The following CHSY1 variants were observed in gnomAD, a reference collection of about 807,000 sequenced individuals.
The protein encoded by CHSY1 is N-acetylgalactosaminyl-proteoglycan 3-beta-glucuronosyltransferase 1.
A neutral mutation model predicts 59.8 loss-of-function variants in CHSY1; 13 were observed. The ratio of observed to expected loss-of-function variants is 0.22; its 90% CI spans 0.14 to 0.35. CHSY1 has a LOEUF of 0.35. Ranked by LOEUF, CHSY1 falls within the 10% of genes least tolerant of loss-of-function variation. The pLI is 1.00. For synonymous variants in CHSY1, 459 were observed against 401.2 expected (o/e 1.14, Z -1.72); for missense variants, 947 against 1,030.6 (o/e 0.92, Z 1.11).
intron 2 of CHSY1, among the ~76,000 whole-genome samples, chr15:101,198,367 G>A (rs1292130855): frequency 3.3e-5 from 5 of 152,208 alleles, no homozygotes; most frequent in Non-Finnish European, 5.9e-5. Context: ...ACTGGACAGA[G>A]AAATTAACAT....
chr15:101,235,082 C>T lies in CHSY1; in HGVS notation c.816G>A (p.Glu272=). 1 of 1,613,530 alleles carries T rather than the reference C, an allele frequency of 6.2e-7. No homozygotes were observed. ...CCATGGTAAAGAATTCTGTTCTTAC[C>T]TCATAAGACCAGACACACTGCACCC... ...FAGVQCVWSY[E]MQQLFYENYE... Residue 272 remains glutamate (E), a splice_region_variant and synonymous_variant, in exon 2 of 3, where the codon GAG becomes GAA. Transcript: ENST00000254190.
chr15:101,201,794 T>C (rs1477138381), intron 2 of CHSY1, among the ~76,000 whole-genome samples: 2 of 152,186 alleles, frequency 1.3e-5, no homozygotes, highest in East Asian at 1.9e-4. Context: ...CCTAACCAGA[T>C]GGAAAGGAAG....
chr15:101,196,203 G>A (rs1287655006), intron 2 of CHSY1, among the ~76,000 whole-genome samples: 2 of 149,362 alleles, frequency 1.3e-5, no homozygotes, highest in East Asian at 2.0e-4. Flanking sequence ...GTACTCCAGC[G>A]TGGGTGACAG....
chr15:101,199,890 G>A (rs529690391), intron 2 of CHSY1, among the ~76,000 whole-genome samples: 9 of 152,256 alleles, frequency 5.9e-5, no homozygotes, highest in South Asian at 4.1e-4. Context: ...GAACAGCAGC[G>A]TATGTTCATT....
At chr15:101,211,661 A>G (rs1462960861) in intron 2 of CHSY1, among the ~76,000 whole-genome samples, 1 of 152,212 alleles carries the variant, frequency 6.6e-6, no homozygotes, top group Non-Finnish European at 1.5e-5. Context: ...TGGGCACATC[A>G]TAATAGGACT....
chr15:101,215,402 G>GA (rs2038721420), intron 2 of CHSY1, among the ~76,000 whole-genome samples: 1 of 152,212 alleles, frequency 6.6e-6, no homozygotes, highest in Admixed American at 6.5e-5. Context: ...TACTGAGTAA[G>GA]ACCTTCACAG....
Position 101,251,289 on chromosome 15 carries a change from G to T in CHSY1, c.168C>A (p.Ser56=). The part of the protein sequence containing the change: ...EGCRSGQAAA[S]QAGGARGDAR... ...CATCGCCGCGCGCCCCGCCGGCCTG[G>T]GAAGCCGCCGCCTGCCCGGACCGGC... The change falls in exon 1 of 3, where the codon TCC becomes TCA. Residue 56 remains serine (S), a synonymous_variant. Transcript: ENST00000254190. The T allele has an allele frequency of 8.1e-7, 1 of 1,237,032 alleles. No individual in the cohort carries two copies. Among genetic ancestry groups the T allele is most frequent in the South Asian group, 2.8e-5 (1 of 35,906 alleles). The allele number at this position is 1,237,032 out of a possible 1,614,324, so 76.6% of individuals were successfully genotyped here.
chr15:101,243,600 G>C (rs1319931176), intron 1 of CHSY1, among the ~76,000 whole-genome samples: 2 of 152,152 alleles, frequency 1.3e-5, no homozygotes, highest in Non-Finnish European at 2.9e-5. Context: ...CACTTTTCCA[G>C]GCTCACGGAC....
At chr15:101,182,142 C>A (rs1357027421) in intron 2 of CHSY1, among the ~76,000 whole-genome samples, 1 of 152,178 alleles carries the variant, frequency 6.6e-6, no homozygotes, top group Non-Finnish European at 1.5e-5. Flanking sequence ...GCAAGCAATT[C>A]ATCTTTTTCT....
chr15:101,209,888 T>C (rs1379029055), intron 2 of CHSY1, among the ~76,000 whole-genome samples: 4 of 152,198 alleles, frequency 2.6e-5, no homozygotes, highest in African/African-American at 9.6e-5. Context: ...ACAACTGAAA[T>C]GGCAAGTTCA....
chr15:101,232,272 A>G (rs1172170104), intron 2 of CHSY1, among the ~76,000 whole-genome samples: 1 of 152,222 alleles, frequency 6.6e-6, no homozygotes, highest in Non-Finnish European at 1.5e-5. Flanking sequence ...ATAATTTCCC[A>G]TAATGTGAAC....
At chr15:101,214,673 C>T (rs55780173) in intron 2 of CHSY1, among the ~76,000 whole-genome samples, 2 of 143,672 alleles carry the variant, frequency 1.4e-5, no homozygotes, top group Non-Finnish European at 3.0e-5. Context: ...TGGGAGGTGG[C>T]TGGATCATGG....
intron 1 of CHSY1, among the ~76,000 whole-genome samples, chr15:101,243,696 T>C (rs937831615): frequency 2.6e-5 from 4 of 152,250 alleles, no homozygotes; most frequent in Admixed American, 1.3e-4. Context: ...ACTCCCAGCA[T>C]GCATGGCTTG....
intron 2 of CHSY1, among the ~76,000 whole-genome samples, chr15:101,214,625 G>C (rs2038713937): frequency 6.6e-6 from 1 of 152,088 alleles, no homozygotes; most frequent in East Asian, 1.9e-4. Context: ...CCTGGTGGGA[G>C]GTGGCTGGAT....
chr15:101,221,149 T>C (rs1017822688), intron 2 of CHSY1, among the ~76,000 whole-genome samples: 8 of 152,224 alleles, frequency 5.3e-5, no homozygotes, highest in African/African-American at 1.9e-4. Flanking sequence ...GCAGCCCCTA[T>C]GCCTATAGCA....
intron 1 of CHSY1, among the ~76,000 whole-genome samples, chr15:101,245,756 C>T (rs1005431369): frequency 6.6e-6 from 1 of 152,212 alleles, no homozygotes; most frequent in Non-Finnish European, 1.5e-5. Context: ...TAAAAAACTA[C>T]ACTCATTTTC....
At chr15:101,185,782 C>T (rs1201894383) in intron 2 of CHSY1, among the ~76,000 whole-genome samples, 1 of 143,438 alleles carries the variant, frequency 7.0e-6, no homozygotes, top group Non-Finnish European at 1.5e-5. Context: ...TCCTACCTTT[C>T]ATTTTTCTTT....
At chr15:101,192,969 TATA>T (rs1162021488) in intron 2 of CHSY1, among the ~76,000 whole-genome samples, 1 of 152,242 alleles carries the variant, frequency 6.6e-6, no homozygotes, top group Non-Finnish European at 1.5e-5. Flanking sequence ...TGTGATTTTA[TATA>T]ATAACATTAA....
Position 101,177,038 on chromosome 15 carries a change from G to C in CHSY1, c.*350C>G, listed in dbSNP as rs1170907716. On this transcript the variant is annotated 3_prime_UTR_variant, in exon 3 of 3. Transcript: ENST00000254190. ...CAATCACAACAGAACATTTACCAGA[G>C]TTACAGTGTTTTGTTACAATAATAC... 1 of 188,780 alleles carries C rather than the reference G, an allele frequency of 5.3e-6. No individual in the cohort carries two copies. The highest frequency in any genetic ancestry group is 1.1e-5 in the Non-Finnish European group (1 of 91,458). 11.7% of individuals were successfully genotyped at this position (188,780 alleles called of 1,614,324 possible).
Sources: allele counts gnomAD v4.1 joint callset (sites outside exome capture counted in the v4.1 genomes callset), GRCh38; gene constraint gnomAD v4.1.1; transcripts MANE v1.5; gene names NCBI Gene and HGNC (gene_info 2026-07-23, HGNC 2026-07-21).